VSIG1: variants seen among roughly 807,000 people sequenced by gnomAD.
The protein encoded by VSIG1 is V-set and immunoglobulin domain containing 1.
In VSIG1, 11 loss-of-function variants were observed where a neutral mutation model predicts 20.1. The ratio of observed to expected loss-of-function variants is 0.55; its 90% confidence interval spans 0.34 to 0.91. The LOEUF is 0.91. Ranked by LOEUF, VSIG1 falls within the 40% of genes least tolerant of loss-of-function variation. The pLI, the probability that VSIG1 is intolerant of heterozygous loss-of-function variation, is 0.02. For synonymous variants in VSIG1, 126 were observed against 116.7 expected (o/e 1.08, Z -0.52); for missense variants, 283 against 298.8 (o/e 0.95, Z 0.39).
Position 108,058,171 on chromosome X carries a change from C to T in VSIG1, c.183C>T (p.Phe61=). ...SREQLSIQWS[F]FHKKEMEPIS... ...AACAGCTTTCCATCCAGTGGTCTTT[C>T]TTCCATAAGAAGGAGATGGAGCCAA... Residue 61 remains phenylalanine (F), a synonymous_variant, in exon 2 of 7, where the codon TTC becomes TTT. Transcript: ENST00000217957. The T allele has an allele frequency of 8.3e-7, 1 of 1,209,582 alleles. No individual in the cohort carries two copies. The highest frequency in any genetic ancestry group is 1.1e-6 in the Non-Finnish European group (1 of 894,590).
chrX:108,072,921 A>G (rs1392993777), intron 4 of VSIG1, 89 bp downstream of exon 4: 2 of 958,089 alleles, frequency 2.1e-6, no homozygotes, highest in Non-Finnish European at 2.8e-6. Flanking sequence ...TTGACCTTAC[A>G]GTTCAATCTT....
the VSIG1 span, among the ~76,000 whole-genome samples, chrX:108,031,982 A>G: frequency 8.9e-6 from 1 of 112,036 alleles, no homozygotes; most frequent in Non-Finnish European, 1.9e-5. Context: ...CCCATATGGT[A>G]AAGCTGTTGC....
intron 4 of VSIG1, 61 bp downstream of exon 4, chrX:108,072,893 G>T: frequency 8.9e-7 from 1 of 1,122,977 alleles, no homozygotes; most frequent in Non-Finnish European, 1.2e-6. Flanking sequence ...ATGACAGCAG[G>T]AGTGTGTGGT....
At chrX:108,030,341 A>C in the VSIG1 span, among the ~76,000 whole-genome samples, 1 of 112,169 alleles carries the variant, frequency 8.9e-6, no homozygotes, top group East Asian at 2.8e-4. Flanking sequence ...CCAAAGAATC[A>C]AAACATGGAA....
At chrX:108,041,275 A>C (rs1723758743), upstream of VSIG1, among the ~76,000 whole-genome samples, 1 of 110,770 alleles carries the variant, frequency 9.0e-6, no homozygotes, top group African/African-American at 3.3e-5. Context: ...TACCTGACTT[A>C]TTTGTTGTAT....
At position 108,067,056 on chromosome X, in the gene VSIG1, G is replaced by A; in HGVS notation, c.334G>A (p.Gly112Arg). ...CTCGCATATGCAGCCAGCAGACAGT[G>A]GAATTTACATCTGCGATGTTAACAA... The part of the protein sequence containing the change: ...TISHMQPADS[G>R]IYICDVNNPP... Residue 112 changes from glycine to arginine, a missense_variant, in exon 3 of 7, where the codon GGA (glycine) becomes AGA (arginine). Transcript: ENST00000217957. 5.0e-6 allele frequency: 6 copies of A among 1,211,469 alleles called. No individual in the cohort carries two copies. Among genetic ancestry groups the A allele is most frequent in the Non-Finnish European group, 4.5e-6 (4 of 895,367 alleles).
rs867635826 is a variant in VSIG1 at position 108,047,807 on chromosome X, T to C, written c.49+2628T>C. Among the ~76,000 whole-genome samples, 497 of 50,828 alleles carry C rather than the reference T, an allele frequency of 9.8e-3. 25 individuals are homozygous for C. The highest frequency in any genetic ancestry group is 0.036 in the African/African-American group (434 of 11,990). 44.1% of individuals were successfully genotyped at this position (50,828 alleles called of 115,157 possible). Reference sequence around the variant, plus strand: ...CTCTCTCTCTATATATATATATATATACATATATATATACATATATATACA... The same window carrying C: ...CTCTCTCTCTATATATATATATATACACATATATATATACATATATATACA... On this transcript the variant is annotated intron_variant, in intron 1 of 6. Coordinates refer to ENST00000217957, the MANE Select transcript of VSIG1 (RefSeq NM_182607.5).
intron 1 of VSIG1, among the ~76,000 whole-genome samples, chrX:108,054,644 A>G (rs770593666): frequency 6.3e-5 from 7 of 111,090 alleles, no homozygotes; most frequent in Non-Finnish European, 9.5e-5. Flanking sequence ...AATGCAATGA[A>G]ACTAGAAATC....
intron 1 of VSIG1, among the ~76,000 whole-genome samples, chrX:108,047,957 C>CATATATATATATATATATAT (rs1569287407): frequency 3.9e-5 from 1 of 25,890 alleles, no homozygotes; most frequent in African/African-American, 2.7e-4. Flanking sequence ...TATATATACA[C>CATATATATATATATATATAT]ACACATATAT....
chrX:108,057,892 A>G (rs1382275544), intron 1 of VSIG1, 146 bp from the exon 2 acceptor site: 4 of 513,903 alleles, frequency 7.8e-6, no homozygotes, highest in Non-Finnish European at 1.2e-5. Context: ...CCCCAAGAAA[A>G]CTCAACTTTC....
chrX:108,036,232 C>CA, the VSIG1 span, among the ~76,000 whole-genome samples: 13 of 106,903 alleles, frequency 1.2e-4, no homozygotes, highest in Non-Finnish European at 2.3e-4. Flanking sequence ...TAGGACCAGT[C>CA]AAAAAATACA....
chrX:108,047,945 T>TATATACACAC (rs1569287361), intron 1 of VSIG1, among the ~76,000 whole-genome samples: 10 of 37,154 alleles, frequency 2.7e-4, no homozygotes, highest in Admixed American at 4.0e-4. Context: ...CACATATATA[T>TATATACACAC]ATATATATAC....
chrX:108,071,506 C>T (rs1376209744), intron 3 of VSIG1, among the ~76,000 whole-genome samples: 1 of 111,079 alleles, frequency 9.0e-6, no homozygotes, highest in Non-Finnish European at 1.9e-5. Context: ...CCCAGCTTCC[C>T]ACAGGACTTC....
intron 1 of VSIG1, among the ~76,000 whole-genome samples, chrX:108,047,877 T>TATATACACACAC (rs2030646423): frequency 3.2e-5 from 1 of 31,611 alleles, no homozygotes; most frequent in African/African-American, 1.5e-4. Flanking sequence ...TATACACATA[T>TATATACACACAC]ATATATATAC....
At chrX:108,043,365 C>T (rs191146634), upstream of VSIG1, among the ~76,000 whole-genome samples, 1 of 111,874 alleles carries the variant, frequency 8.9e-6, no homozygotes, top group African/African-American at 3.2e-5. Flanking sequence ...CATCTTGGGA[C>T]ACGCTCATTT....
At chrX:108,063,310 T>C (rs12006603) in intron 2 of VSIG1, among the ~76,000 whole-genome samples, 38,945 of 110,709 alleles carry the variant, frequency 0.35, 5,336 homozygotes, top group Non-Finnish European at 0.42. Context: ...CATCTTAATA[T>C]ATTCAGTGGG....
chrX:108,073,911 T>C (rs2031302077), intron 5 of VSIG1: 1 of 111,866 alleles, frequency 8.9e-6, no homozygotes, highest in South Asian at 3.8e-4. Context: ...AAAAGAACAC[T>C]GAAGCTCAGG....
At chrX:108,030,401 A>C in the VSIG1 span, among the ~76,000 whole-genome samples, 1 of 112,143 alleles carries the variant, frequency 8.9e-6, no homozygotes, top group South Asian at 3.7e-4. Context: ...AACAGGACTT[A>C]TCTGACCCAA....
chrX:108,027,957 G>A, the VSIG1 span, among the ~76,000 whole-genome samples: 1 of 111,063 alleles, frequency 9.0e-6, no homozygotes, highest in Non-Finnish European at 1.9e-5. Flanking sequence ...AACTCCAAGA[G>A]CTTGATCATC....
Sources: allele counts gnomAD v4.1 joint callset (sites outside exome capture counted in the v4.1 genomes callset), GRCh38; gene constraint gnomAD v4.1.1; transcripts MANE v1.5; gene names NCBI Gene and HGNC (gene_info 2026-07-23, HGNC 2026-07-21).